Variants in ATP2A3 observed in about 807,000 individuals in gnomAD.
ATP2A3 encodes ATPase sarcoplasmic/endoplasmic reticulum Ca2+ transporting 3, also known as sarcoplasmic/endoplasmic reticulum calcium ATPase 3.
In ATP2A3, 61 loss-of-function variants were observed where a neutral mutation model predicts 106.8. That is an observed-to-expected ratio of 0.57 (90% CI 0.46 to 0.71). ATP2A3 has a LOEUF of 0.71. Ranked by LOEUF, ATP2A3 falls within the 30% of genes least tolerant of loss-of-function variation. ATP2A3 has a pLI of 0.00. For synonymous variants in ATP2A3, 611 were observed against 609.3 expected (o/e 1.00, Z -0.04); for missense variants, 1,201 against 1,423.5 (o/e 0.84, Z 2.52).
At chr17:3,964,083 GCCC>G in intron 1 of ATP2A3, 88 bp downstream of exon 1, 1 of 698,880 alleles carries the variant, frequency 1.4e-6, no homozygotes, top group East Asian at 8.0e-5. Context: ...CTTCCTGCCC[GCCC>G]AGAGCCGGGT....
Position 3,941,217 on chromosome 17 carries a change from G to A in ATP2A3, c.1854C>T (p.Gly618=). ...AACITRCYQA[G]IRVVMITGDN... ...CCCCCGTGATCATGACCACGCGGAT[G>A]CCCGCCTGGTAGCAGCGTGTGATGC... is the stretch of plus-strand genomic sequence containing the variant. The change falls in exon 14 of 21, where the codon GGC becomes GGT. Residue 618 remains glycine (G), a synonymous_variant. Transcript: ENST00000397041. 6.2e-7 allele frequency: 1 copy of A among 1,614,104 alleles called. No homozygotes were observed. The highest frequency in any genetic ancestry group is 1.1e-5 in the South Asian group (1 of 91,088).
Position 3,928,614 on chromosome 17 carries a change from G to T in ATP2A3, c.2980+49C>A. 1.4e-6 allele frequency: 2 copies of T among 1,469,476 alleles called. No homozygotes were observed. Among genetic ancestry groups the T allele is most frequent in the Non-Finnish European group, 1.9e-6 (2 of 1,073,586 alleles). 91.0% of individuals were successfully genotyped at this position (1,469,476 alleles called of 1,614,324 possible). ...CAGCGTCCACTGCAGCCCAGGAGCAGAGGCGGGCGGGGAGGCAGGCTGGAG... is the reference window on the plus strand; with the variant it reads ...CAGCGTCCACTGCAGCCCAGGAGCATAGGCGGGCGGGGAGGCAGGCTGGAG... On this transcript the variant is annotated intron_variant, in intron 20 of 20. Coordinates refer to ENST00000397041, the MANE Select transcript of ATP2A3 (RefSeq NM_005173.4). This position sits in a 1 kb window ranked among gnomAD's most constrained non-coding sequence, Gnocchi z 6.1.
intron 5 of ATP2A3, 47 bp downstream of exon 5, chr17:3,951,201 AAAT>A (rs2054403037): frequency 1.6e-6 from 2 of 1,218,396 alleles, no homozygotes; most frequent in African/African-American, 1.6e-5. Flanking sequence ...TAAATAAAAT[AAAT>A]AAATAAATAA....
intron 17 of ATP2A3, chr17:3,934,938 A>C: frequency 1.9e-6 from 1 of 527,028 alleles, no homozygotes; most frequent in Non-Finnish European, 3.4e-6. Flanking sequence ...GGTAAGATAC[A>C]TCTGGCAGTG....
At chr17:3,927,635 G>T in intron 20 of ATP2A3, 1 of 985,398 alleles carries the variant, frequency 1.0e-6, no homozygotes, top group Non-Finnish European at 1.2e-6. Context: ...ACCAGACAGG[G>T]GGCAGAATGG....
rs1008045561 is a variant in ATP2A3 at position 3,937,647 on chromosome 17, G to C, written c.2101-11C>G. On this transcript the variant is annotated splice_polypyrimidine_tract_variant and intron_variant, in intron 14 of 20. Transcript: ENST00000397041. The stretch of plus-strand genomic sequence containing the variant: ...CACTCCATCGCCAGTCTGTGGGCCA[G>C]GTCAGGTAGGGCTGTGCCTGAGAAA... The C allele has an allele frequency of 9.3e-6, 15 of 1,612,462 alleles. No individual in the cohort carries two copies. Among genetic ancestry groups the C allele is most frequent in the Non-Finnish European group, 1.3e-5 (15 of 1,179,442 alleles).
chr17:3,937,440 G>T lies in ATP2A3; in HGVS notation c.2297C>A (p.Ser766Tyr). 1 of 1,612,884 alleles carries T rather than the reference G, an allele frequency of 6.2e-7. No individual in the cohort carries two copies. Among genetic ancestry groups the T allele is most frequent in the Non-Finnish European group, 8.5e-7 (1 of 1,179,140 alleles). ...NMKQFIRYLI[S>Y]SNVGEVVCIF... ...CCAGACGACCTCGCCAACATTGGAG[G>T]AGATGAGGTAGCGGATGAATTGCTT... Residue 766 changes from serine (S) to tyrosine (Y), a missense_variant, in exon 15 of 21, where the codon TCC becomes TAC. Transcript: ENST00000397041.
chr17:3,943,362 C>A, intron 11 of ATP2A3, 29 bp downstream of exon 11: 1 of 1,612,498 alleles, frequency 6.2e-7, no homozygotes, highest in East Asian at 2.2e-5. Context: ...GCCATGCAGC[C>A]GGAGGCCTGA....
Position 3,929,232 on chromosome 17 carries a change from T to TA in ATP2A3, c.2862+95dup. On this transcript the variant is annotated intron_variant, in intron 19 of 20. Transcript: ENST00000397041. This position sits in a 1 kb window ranked among gnomAD's most constrained non-coding sequence, Gnocchi z 4.3. ...ACCTCTCACCTCCCTCTCCTCCAGGTAGTTTCCATTGCAGGGGGGCCAGAG... is the reference window on the plus strand; with the variant it reads ...ACCTCTCACCTCCCTCTCCTCCAGGTAAGTTTCCATTGCAGGGGGGCCAGAG... 1 of 1,146,210 alleles carries TA rather than the reference T, an allele frequency of 8.7e-7. No individual in the cohort carries two copies. The highest frequency in any genetic ancestry group is 1.3e-6 in the Non-Finnish European group (1 of 798,606). The allele number at this position is 1,146,210 out of a possible 1,614,324, so 71.0% of individuals were successfully genotyped here.
At chr17:3,956,610 A>G (rs1050819463) in intron 1 of ATP2A3, among the ~76,000 whole-genome samples, 3 of 152,212 alleles carry the variant, frequency 2.0e-5, no homozygotes, top group African/African-American at 7.2e-5. Flanking sequence ...TCTCTCCTAC[A>G]GCAGCCAGCA....
At chr17:3,952,676 T>C (rs941694887) in intron 3 of ATP2A3, among the ~76,000 whole-genome samples, 1 of 151,880 alleles carries the variant, frequency 6.6e-6, no homozygotes, top group Non-Finnish European at 1.5e-5. Context: ...TGCAGCTCCA[T>C]CCTCCTGGGC....
chr17:3,934,949 AG>A, intron 17 of ATP2A3: 1 of 546,958 alleles, frequency 1.8e-6, no homozygotes. Context: ...TCTGGCAGTG[AG>A]GCCTCTTGGT....
chr17:3,940,048 TTG>T lies in ATP2A3; in HGVS notation c.2100+921_2100+922del, dbSNP rs1567693933. 7.3e-4 allele frequency among the ~76,000 whole-genome samples: 73 copies of T among 100,150 alleles called. 6 individuals are homozygous for T. Among genetic ancestry groups the T allele is most frequent in the African/African-American group, 2.3e-3 (47 of 20,006 alleles). 65.7% of individuals were successfully genotyped at this position (100,150 alleles called of 152,430 possible). A position where few individuals can be genotyped will look rare whatever the true frequency, so the allele number is the denominator to read the frequency against. ...TGTCATATCTTTTTTTTTTTGTTTT[TTG>T]TTTTTTTTTTTTTTGGAGAGATGGG... On this transcript the variant is annotated intron_variant, in intron 14 of 20. Coordinates refer to ENST00000397041, the MANE Select transcript of ATP2A3 (RefSeq NM_005173.4).
In ATP2A3 at chr17:3,924,558, T is replaced by C; in HGVS notation, c.*864A>G. On this transcript the variant is annotated 3_prime_UTR_variant, in exon 21 of 21. Transcript: ENST00000397041. This position sits in a 1 kb window ranked among gnomAD's most constrained non-coding sequence, Gnocchi z 6.4. ...GGCGCCACGGTCAGGAACCTGAGGA[T>C]GTCGGTGGTCTCAGGTACCAGGGAC... 1 of 348,924 alleles carries C rather than the reference T, an allele frequency of 2.9e-6. No individual in the cohort carries two copies. Among genetic ancestry groups the C allele is most frequent in the South Asian group, 2.1e-5 (1 of 47,416 alleles). 21.6% of individuals were successfully genotyped at this position (348,924 alleles called of 1,614,324 possible). A position where few individuals can be genotyped will look rare whatever the true frequency, so the allele number is the denominator to read the frequency against.
intron 9 of ATP2A3, 58 bp downstream of exon 9, chr17:3,945,002 C>T: frequency 6.5e-6 from 9 of 1,382,466 alleles, no homozygotes; most frequent in Non-Finnish European, 7.5e-6. Context: ...CTCGGCGCCG[C>T]CACGCGTGGC....
At position 3,928,142 on chromosome 17, in the gene ATP2A3, T is replaced by C; in HGVS notation, c.2980+521A>G. The C allele has an allele frequency of 6.3e-7, 1 of 1,599,142 alleles. No individual in the cohort carries two copies. The highest frequency in any genetic ancestry group is 1.1e-5 in the South Asian group (1 of 90,716). On this transcript the variant is annotated intron_variant, in intron 20 of 20. Coordinates refer to ENST00000397041, the MANE Select transcript of ATP2A3 (RefSeq NM_005173.4). The surrounding 1 kb of genome is among the most constrained non-coding windows in gnomAD (Gnocchi z 6.1). ...CTCTCCAGCCCGACACCTGCCATCC[T>C]GTCCTCTCCACTCCGGGGTTAAGGC...
At chr17:3,927,995 T>A in intron 20 of ATP2A3, 1 of 1,613,934 alleles carries the variant, frequency 6.2e-7, no homozygotes. Flanking sequence ...GCTTCCTCCC[T>A]CTCTGAGCAG....
Position 3,923,875 on chromosome 17 carries a change from C to T in ATP2A3, c.*1547G>A, listed in dbSNP as rs1473468618. 6.6e-6 allele frequency: 1 copy of T among 152,318 alleles called. No homozygotes were observed. Among genetic ancestry groups the T allele is most frequent in the Non-Finnish European group, 1.5e-5 (1 of 68,160 alleles). 9.4% of individuals were successfully genotyped at this position (152,318 alleles called of 1,614,324 possible). The stretch of plus-strand genomic sequence containing the variant: ...AAACAGACGCTGAGGATCCTCCGTT[C>T]CCCCAGTCACACAACCTTTATTTCT... On this transcript the variant is annotated 3_prime_UTR_variant, in exon 21 of 21. Transcript: ENST00000397041.
At chr17:3,950,433 G>T (rs953461776) in intron 7 of ATP2A3, 78 bp downstream of exon 7, 6 of 1,507,836 alleles carry the variant, frequency 4.0e-6, no homozygotes, top group Non-Finnish European at 3.7e-6. Context: ...CAAAGTGCTG[G>T]GATTACAGGC....
Sources: allele counts gnomAD v4.1 joint callset (sites outside exome capture counted in the v4.1 genomes callset), GRCh38; gene constraint gnomAD v4.1.1; non-coding constraint Gnocchi (gnomAD v3.1); transcripts MANE v1.5; gene names NCBI Gene and HGNC (gene_info 2026-07-23, HGNC 2026-07-21).